Variants in MINAR1 observed in about 807,000 individuals in gnomAD.
The protein encoded by MINAR1 is major intrinsically disordered Notch2-binding receptor 1.
In MINAR1, 40 loss-of-function variants were observed where a neutral mutation model predicts 65.1. That is an observed-to-expected ratio of 0.61 (90% CI 0.48 to 0.80). The LOEUF (loss-of-function observed/expected upper bound fraction) is 0.80, where lower values mean the gene tolerates loss of function less well. Ranked by LOEUF, MINAR1 falls within the 30% of genes least tolerant of loss-of-function variation. MINAR1 has a pLI of 0.00. For synonymous variants in MINAR1, 482 were observed against 449.1 expected (o/e 1.07, Z -0.93); for missense variants, 1,128 against 1,148.0 (o/e 0.98, Z 0.25).
chr15:79,423,711 C>G, the MINAR1 span: 2 of 152,168 alleles, frequency 1.3e-5, no homozygotes, highest in Admixed American at 6.5e-5. Context: ...GCTGCCTGGG[C>G]TGAAATCCCT....
intron 1 of MINAR1, among the ~76,000 whole-genome samples, chr15:79,435,543 A>G (rs1894575044): frequency 6.6e-6 from 1 of 152,226 alleles, no homozygotes; most frequent in South Asian, 2.1e-4. Flanking sequence ...CTAAACCCCT[A>G]CAATGTCAGC....
Position 79,457,013 on chromosome 15 carries a change from A to G in MINAR1, c.866A>G (p.Gln289Arg). Residue 289 changes from glutamine (Q) to arginine (R), a missense_variant, in exon 2 of 4, where the codon CAG becomes CGG. Coordinates refer to ENST00000305428, the MANE Select transcript of MINAR1 (RefSeq NM_015206.3). ...GCAGAGAATGAGCACAGGGAACCCC[A>G]GAGTCGAAAGGAACCCCACAAGCCA... ...SKAENEHREP[Q>R]SRKEPHKPPF... The G allele has an allele frequency of 1.2e-6, 2 of 1,614,072 alleles. No homozygotes were observed. Among genetic ancestry groups the G allele is most frequent in the Non-Finnish European group, 1.7e-6 (2 of 1,179,984 alleles).
chr15:79,440,903 C>A (rs1367614611), intron 1 of MINAR1, among the ~76,000 whole-genome samples: 1 of 152,162 alleles, frequency 6.6e-6, no homozygotes, highest in Non-Finnish European at 1.5e-5. Flanking sequence ...AGATTATAAG[C>A]TCATGAGGGC....
At chr15:79,454,902 A>G (rs1895357158) in intron 1 of MINAR1, among the ~76,000 whole-genome samples, 2 of 141,832 alleles carry the variant, frequency 1.4e-5, no homozygotes, top group Admixed American at 1.4e-4. Context: ...TGTGAACTTC[A>G]TTGTACGTAC....
intron 3 of MINAR1, among the ~76,000 whole-genome samples, chr15:79,467,771 C>G (rs1895924250): frequency 6.6e-6 from 1 of 152,170 alleles, no homozygotes; most frequent in South Asian, 2.1e-4. Flanking sequence ...CTATGATGGT[C>G]TTGTTTCAAG....
intron 3 of MINAR1, among the ~76,000 whole-genome samples, chr15:79,465,972 C>G (rs536953838): frequency 2.7e-4 from 41 of 152,182 alleles, no homozygotes; most frequent in African/African-American, 8.9e-4. Context: ...GGCGGTCCAA[C>G]AGTCAGGGTT....
chr15:79,437,726 A>T (rs111207941), intron 1 of MINAR1, among the ~76,000 whole-genome samples: 6 of 3,872 alleles, frequency 1.5e-3, no homozygotes, highest in Admixed American at 5.3e-3. Context: ...GTGGGTAGTG[A>T]GTGTGTGGGG....
In MINAR1 at chr15:79,457,443, A is replaced by G; in HGVS notation, c.1296A>G (p.Gln432=). ...TCCCCATTGCTTATGCGGCAAAACA[A>G]AATGGGCTCAAATCTAAAGAGATCT... The part of the protein sequence containing the change: ...PILPIAYAAK[Q]NGLKSKEISS... Residue 432 remains glutamine, a synonymous_variant, in exon 2 of 4, where the codon CAA becomes CAG. Coordinates refer to ENST00000305428, the MANE Select transcript of MINAR1 (RefSeq NM_015206.3). 1 of 1,614,238 alleles carries G rather than the reference A, an allele frequency of 6.2e-7. No individual in the cohort carries two copies. Among genetic ancestry groups the G allele is most frequent in the Non-Finnish European group, 8.5e-7 (1 of 1,180,050 alleles).
chr15:79,423,887 CTAG>C, the MINAR1 span: 1 of 152,156 alleles, frequency 6.6e-6, no homozygotes, highest in East Asian at 1.9e-4. Flanking sequence ...GTAACAAATT[CTAG>C]ATAATTGTTA....
At chr15:79,415,033 G>T in the MINAR1 span, 7 of 152,364 alleles carry the variant, frequency 4.6e-5, no homozygotes, top group African/African-American at 1.7e-4. Flanking sequence ...CTTTGAGGTT[G>T]TCCATGTCAA....
At chr15:79,423,845 G>A in the MINAR1 span, 4 of 152,226 alleles carry the variant, frequency 2.6e-5, no homozygotes, top group Admixed American at 1.3e-4. Flanking sequence ...TAAGGATTAA[G>A]TAAGATAAGT....
At chr15:79,448,663 T>C (rs1895090923) in intron 1 of MINAR1, among the ~76,000 whole-genome samples, 1 of 152,208 alleles carries the variant, frequency 6.6e-6, no homozygotes, top group South Asian at 2.1e-4. Context: ...TTTTGAAAGA[T>C]CAATATATTT....
the MINAR1 span, chr15:79,416,937 C>T: frequency 6.6e-6 from 1 of 152,268 alleles, no homozygotes. Context: ...GGCCTTGACA[C>T]CAGCTGACAA....
chr15:79,418,476 TATAAA>T, the MINAR1 span: 1 of 152,226 alleles, frequency 6.6e-6, no homozygotes, highest in Non-Finnish European at 1.5e-5. Context: ...ATAGAAATGA[TATAAA>T]ATAATGTTTT....
chr15:79,432,285 G>C (rs1172830106), upstream of MINAR1, among the ~76,000 whole-genome samples: 1 of 152,158 alleles, frequency 6.6e-6, no homozygotes, highest in African/African-American at 2.4e-5. Flanking sequence ...GCCCTGGCCG[G>C]GACTGCAGCC....
At chr15:79,426,989 A>G in the MINAR1 span, 1 of 152,244 alleles carries the variant, frequency 6.6e-6, no homozygotes, top group African/African-American at 2.4e-5. Context: ...TTGCAGCACT[A>G]TTCACAATAG....
chr15:79,423,964 GGT>G, the MINAR1 span: 1 of 152,172 alleles, frequency 6.6e-6, no homozygotes, highest in Non-Finnish European at 1.5e-5. Flanking sequence ...TGGTAGCACT[GGT>G]GTTTTCACAG....
rs147094246 is a variant in MINAR1, at chr15:79,451,328, G to A, written c.-50-4770G>A. Among the ~76,000 whole-genome samples, 147 of 152,264 alleles carry A rather than the reference G, an allele frequency of 9.7e-4. 2 individuals are homozygous for A. In the East Asian group the frequency reaches 0.01, roughly 11 times the overall value. ...GGTTGAAAACTCCTGCGTGATAAGC[G>A]CTTTAGCCAAGGCACAGGCGGAGGG... On this transcript the variant is annotated intron_variant, in intron 1 of 3. Transcript: ENST00000305428.
At chr15:79,429,452 A>G (rs540679885), upstream of MINAR1, among the ~76,000 whole-genome samples, 88 of 152,320 alleles carry the variant, frequency 5.8e-4, no homozygotes, top group Non-Finnish European at 1.1e-3. Context: ...TTTACACCAC[A>G]TTGGGTTTTC....
Sources: gnomAD v4.1 joint callset for allele counts (sites outside exome capture counted in the v4.1 genomes callset) on GRCh38, gnomAD v4.1.1 for gene constraint, MANE v1.5 for transcripts, NCBI Gene and HGNC (gene_info 2026-07-23, HGNC 2026-07-21) for gene names.